Variants in CLASRP observed in about 807,000 individuals in gnomAD.
CLASRP encodes CLK4-associating serine/arginine rich protein.
Under a neutral mutation model 99.9 loss-of-function variants are expected in CLASRP, and 52 were observed. The observed-to-expected ratio is 0.52, with a 90% confidence interval of 0.42 to 0.66. CLASRP has a LOEUF of 0.66. CLASRP is among the 30% of genes least tolerant of loss of function. CLASRP has a pLI of 0.00. For synonymous variants in CLASRP, 379 were observed against 373.0 expected (o/e 1.02, Z -0.18); for missense variants, 848 against 999.2 (o/e 0.85, Z 2.04).
At chr19:45,063,202 T>C (rs1381671727) in intron 11 of CLASRP, among the ~76,000 whole-genome samples, 2 of 151,780 alleles carry the variant, frequency 1.3e-5, no homozygotes, top group African/African-American at 4.8e-5. Flanking sequence ...GAGATGGGGC[T>C]CACCATGTTG....
intron 2 of CLASRP, chr19:45,047,634 T>TG (rs1212285468): frequency 6.6e-6 from 1 of 151,702 alleles, no homozygotes; most frequent in African/African-American, 2.4e-5. Flanking sequence ...TTGACAGGGA[T>TG]GGGGGGAGGA....
chr19:45,050,320 G>C (rs1971999300), intron 2 of CLASRP, among the ~76,000 whole-genome samples: 1 of 152,148 alleles, frequency 6.6e-6, no homozygotes, highest in African/African-American at 2.4e-5. Flanking sequence ...AGCCATCAGG[G>C]AAATGCCAGT....
intron 2 of CLASRP, among the ~76,000 whole-genome samples, chr19:45,041,296 C>T (rs909382427): frequency 3.3e-5 from 5 of 152,042 alleles, no homozygotes; most frequent in African/African-American, 1.2e-4. Context: ...GACCACTTCC[C>T]TCTCCTGTCT....
chr19:45,066,128 CT>C (rs200267372), intron 13 of CLASRP, among the ~76,000 whole-genome samples: 10 of 149,382 alleles, frequency 6.7e-5, no homozygotes, highest in Non-Finnish European at 7.4e-5. Flanking sequence ...GTTTCCTTTA[CT>C]TTTTTTTTTG....
Position 45,064,001 on chromosome 19 carries a change from C to T in CLASRP, c.906-11C>T, listed in dbSNP as rs1367729762. On this transcript the variant is annotated splice_polypyrimidine_tract_variant and intron_variant, in intron 11 of 20. Transcript: ENST00000221455. ...GCCTGAGCTAGTGAGCCTCCTCCTC[C>T]CTACCCGCAGGTCACCCTCGGAGTC... The T allele has an allele frequency of 6.2e-7, 1 of 1,601,382 alleles. No individual in the cohort carries two copies. The highest frequency in any genetic ancestry group is 8.5e-7 in the Non-Finnish European group (1 of 1,174,172).
At chr19:45,070,215 C>T (rs1967204890) in intron 19 of CLASRP, 111 bp downstream of exon 19, 1 of 751,968 alleles carries the variant, frequency 1.3e-6, no homozygotes, top group Non-Finnish European at 2.4e-6. Flanking sequence ...GCCTGTAATC[C>T]CAGCACTTTG....
rs1162453903 is a variant in CLASRP at position 45,052,841 on chromosome 19, G to A, written c.248G>A (p.Arg83His). Residue 83 changes from arginine (R) to histidine (H), a missense_variant, in exon 4 of 21, where the codon CGT becomes CAT. Coordinates refer to ENST00000221455, the MANE Select transcript of CLASRP (RefSeq NM_007056.3). ...TNNMIDRFDV[R>H]AHLDHIPDYT... Reference sequence around the variant, plus strand: ...AACATGATTGACCGATTCGATGTCCGTGCCCACCTGGACCACATCCCCGAC... The same window carrying A: ...AACATGATTGACCGATTCGATGTCCATGCCCACCTGGACCACATCCCCGAC... 3.1e-6 allele frequency: 5 copies of A among 1,612,260 alleles called. No homozygotes were observed. Among genetic ancestry groups the A allele is most frequent in the Admixed American group, 1.7e-5 (1 of 59,568 alleles).
chr19:45,067,230 C>T lies in CLASRP; in HGVS notation c.1410-107C>T. 7.8e-7 allele frequency: 1 copy of T among 1,285,174 alleles called. No individual in the cohort carries two copies. Among genetic ancestry groups the T allele is most frequent in the South Asian group, 1.6e-5 (1 of 63,938 alleles). 79.6% of individuals were successfully genotyped at this position (1,285,174 alleles called of 1,614,324 possible). ...AGCAGGAGAGGAGAGTCGAGCCTGT[C>T]ACCCTGGGCCTTGCAGGAAGGAGGA... On this transcript the variant is annotated intron_variant, in intron 13 of 20. Coordinates refer to ENST00000221455, the MANE Select transcript of CLASRP (RefSeq NM_007056.3). This position sits in a 1 kb window ranked among gnomAD's most constrained non-coding sequence, Gnocchi z 4.9.
rs966722378 is a variant in CLASRP at position 45,064,245 on chromosome 19, C to T, written c.1121+18C>T. On this transcript the variant is annotated intron_variant, in intron 12 of 20. Coordinates refer to ENST00000221455, the MANE Select transcript of CLASRP (RefSeq NM_007056.3). ...AGCGCCCGGTCGGTAACGCTCACGC[C>T]GCCCGCCCTACGCCCCGGTCACCAT... 10 of 1,567,420 alleles carry T rather than the reference C, an allele frequency of 6.4e-6. No individual in the cohort carries two copies. The African/African-American group carries it at 6.7e-5, about 11-fold the overall frequency.
At chr19:45,044,039 G>A (rs571780542) in intron 2 of CLASRP, among the ~76,000 whole-genome samples, 3 of 152,190 alleles carry the variant, frequency 2.0e-5, no homozygotes, top group South Asian at 2.1e-4. Flanking sequence ...CCACCACCAC[G>A]CCCGGCTAAT....
rs981944792 is a variant in CLASRP at position 45,060,962 on chromosome 19, T to C, written c.863+335T>C. On this transcript the variant is annotated intron_variant, in intron 10 of 20. Coordinates refer to ENST00000221455, the MANE Select transcript of CLASRP (RefSeq NM_007056.3). This position sits in a 1 kb window ranked among gnomAD's most constrained non-coding sequence, Gnocchi z 4.6. ...CTCTCACCCAGTTCTGCTGCTTGGCTTCTTCCTGTGTCGGAGTTTGGACAA... is the reference window on the plus strand; with the variant it reads ...CTCTCACCCAGTTCTGCTGCTTGGCCTCTTCCTGTGTCGGAGTTTGGACAA... Among the ~76,000 whole-genome samples, 1 of 152,216 alleles carries C rather than the reference T, an allele frequency of 6.6e-6. No individual in the cohort carries two copies. Among genetic ancestry groups the C allele is most frequent in the Non-Finnish European group, 1.5e-5 (1 of 68,042 alleles).
Position 45,043,376 on chromosome 19 carries a change from C to T in CLASRP, c.99+3065C>T, listed in dbSNP as rs994427170. 2.2e-5 allele frequency among the ~76,000 whole-genome samples: 3 copies of T among 135,382 alleles called. No individual in the cohort carries two copies. The East Asian group carries it at 6.7e-4, about 30-fold the overall frequency. 88.8% of individuals were successfully genotyped at this position (135,382 alleles called of 152,430 possible). On this transcript the variant is annotated intron_variant, in intron 2 of 20. Coordinates refer to ENST00000221455, the MANE Select transcript of CLASRP (RefSeq NM_007056.3). The stretch of plus-strand genomic sequence containing the variant: ...GCAGTGAGCCGAGATAGTGCCACTG[C>T]ACTCCAGCCTGGGCGACAGAGCGAG...
At position 45,067,507 on chromosome 19, in the gene CLASRP, G is replaced by GCCGCAC; in HGVS notation, c.1585_1586insCCCGCA (p.Arg528_Ser529insThrArg). The stretch of plus-strand genomic sequence containing the variant: ...AGCCAGAGCCGCAGCCGCAGCCGCA[G>GCCGCAC]CCGCAGCCAGAGCCCCTCGCCATCA... On this transcript the variant is annotated inframe_insertion, in exon 14 of 21. Coordinates refer to ENST00000221455, the MANE Select transcript of CLASRP (RefSeq NM_007056.3). The surrounding 1 kb of genome is among the most constrained non-coding windows in gnomAD (Gnocchi z 4.9). The GCCGCAC allele has an allele frequency of 1.3e-6, 2 of 1,593,430 alleles. No individual in the cohort carries two copies. Among genetic ancestry groups the GCCGCAC allele is most frequent in the Non-Finnish European group, 1.7e-6 (2 of 1,174,510 alleles).
chr19:45,040,808 A>G (rs1333009495), intron 2 of CLASRP: 1 of 156,336 alleles, frequency 6.4e-6, no homozygotes, highest in African/African-American at 2.4e-5. Flanking sequence ...TACTAAAGAT[A>G]CAAAAATTAG....
At chr19:45,047,411 C>CAAAAAAAAAAAAAAAAAA (rs35621559) in intron 2 of CLASRP, 1 of 84,414 alleles carries the variant, frequency 1.2e-5, no homozygotes, top group African/African-American at 5.1e-5. Context: ...GACTCCATCT[C>CAAAAAAAAAAAAAAAAAA]AAAAAAAAAA....
At position 45,064,485 on chromosome 19, in the gene CLASRP, T is replaced by C. The variant is rs751109279; in HGVS notation, c.1264T>C (p.Trp422Arg). Residue 422 changes from tryptophan (W) to arginine (R), a missense_variant, in exon 13 of 21, where the codon TGG (tryptophan) becomes CGG (arginine). Around this residue, in one of 8 missense-constraint regions of CLASRP, gnomAD observed 489 missense variants for 434.7 expected, o/e 1.12. Coordinates refer to ENST00000221455, the MANE Select transcript of CLASRP (RefSeq NM_007056.3). ...GRHARSRSRSWSRSRSRSRRY... is the reference protein window; with the variant it reads ...GRHARSRSRSRSRSRSRSRRY... ...CCACGCCCGCTCCCGGTCCCGCTCCTGGTCCCGCTCCCGCTCCCGCTCCCG... is the reference window on the plus strand; with the variant it reads ...CCACGCCCGCTCCCGGTCCCGCTCCCGGTCCCGCTCCCGCTCCCGCTCCCG... The C allele has an allele frequency of 6.9e-5, 105 of 1,517,716 alleles. No individual in the cohort carries two copies. Among genetic ancestry groups the C allele is most frequent in the Admixed American group, 9.9e-5 (5 of 50,404 alleles). The allele number at this position is 1,517,716 out of a possible 1,614,324, so 94.0% of individuals were successfully genotyped here.
intron 1 of CLASRP, 38 bp from the exon 2 acceptor site, chr19:45,040,146 A>G: frequency 8.2e-7 from 1 of 1,226,874 alleles, no homozygotes; most frequent in Non-Finnish European, 1.2e-6. Context: ...TACGGGTTTC[A>G]CAGACCATCT....
At chr19:45,056,094 T>C (rs1384557944) in intron 5 of CLASRP, among the ~76,000 whole-genome samples, 1 of 151,970 alleles carries the variant, frequency 6.6e-6, no homozygotes, top group Non-Finnish European at 1.5e-5. Context: ...CGTGTGGCAC[T>C]CAGGAGCAGG....
At chr19:45,059,505 C>T in intron 8 of CLASRP, 141 bp downstream of exon 8, 2 of 711,312 alleles carry the variant, frequency 2.8e-6, no homozygotes, top group East Asian at 2.7e-5. Flanking sequence ...ACATGCAGGT[C>T]CCTGAGCCTA....
Sources: allele counts gnomAD v4.1 joint callset (sites outside exome capture counted in the v4.1 genomes callset), GRCh38; gene constraint gnomAD v4.1.1; regional missense constraint gnomAD v4.1.1; non-coding constraint Gnocchi (gnomAD v3.1); transcripts MANE v1.5; gene names NCBI Gene and HGNC (gene_info 2026-07-23, HGNC 2026-07-21).